The following AP1G1 variants were observed in gnomAD, a reference collection of about 807,000 sequenced individuals.
AP1G1 encodes adaptor related protein complex 1 subunit gamma 1.
Under a neutral mutation model 108.3 loss-of-function variants are expected in AP1G1, and 7 were observed. The ratio of observed to expected loss-of-function variants is 0.06; its 90% CI spans 0.04 to 0.12. AP1G1 has a LOEUF of 0.12. Ranked by LOEUF, AP1G1 falls within the 10% of genes least tolerant of loss-of-function variation. The pLI, the probability that AP1G1 is intolerant of heterozygous loss-of-function variation, is 1.00. For missense variants in AP1G1, 756 were observed against 1,010.7 expected (o/e 0.75, Z 3.42); for synonymous variants, 379 against 353.5 (o/e 1.07, Z -0.81).
At chr16:71,755,880 A>G in intron 12 of AP1G1, 139 bp downstream of exon 12, 3 of 868,392 alleles carry the variant, frequency 3.5e-6, no homozygotes, top group South Asian at 3.9e-5. Context: ...TCCTGACTTC[A>G]TGATCCACCT....
At chr16:71,799,109 C>T (rs1736297545) in intron 1 of AP1G1, among the ~76,000 whole-genome samples, 1 of 152,000 alleles carries the variant, frequency 6.6e-6, no homozygotes, top group East Asian at 1.9e-4. Flanking sequence ...TTAAGACAAA[C>T]TGCATGACCC....
At chr16:71,783,991 C>T (rs745897354) in intron 2 of AP1G1, among the ~76,000 whole-genome samples, 10 of 152,084 alleles carry the variant, frequency 6.6e-5, no homozygotes, top group African/African-American at 2.4e-4. Flanking sequence ...CCTACACACG[C>T]AAAAGGTTAC....
rs748724071 is a variant in AP1G1 at position 71,739,330 on chromosome 16, C to A, written c.2011G>T (p.Ala671Ser). The A allele has an allele frequency of 1.2e-6, 2 of 1,600,054 alleles. No homozygotes were observed. The highest frequency in any genetic ancestry group is 1.7e-6 in the Non-Finnish European group (2 of 1,176,562). Residue 671 changes from alanine (A) to serine (S), a missense_variant, in exon 20 of 23, where the codon GCT (alanine) becomes TCT (serine). Ala to Ser is a moderately conservative substitution (Grantham distance 99). This residue lies in a region of AP1G1 where 357 missense variants were observed against 366.5 expected (regional missense o/e 0.97). Transcript: ENST00000299980. The part of the protein sequence containing the change: ...GDINLTGAPA[A>S]APAPASVPQI... ...GGGACTGAGGCAGGGGCAGGAGCAG[C>A]AGCTGGAGCACCTAAAGGAAATATT... is the stretch of plus-strand genomic sequence containing the variant.
rs2045468697 is a variant in AP1G1, at chr16:71,730,797, G to T, written c.*2261C>A. 1 of 152,550 alleles carries T rather than the reference G, an allele frequency of 6.6e-6. No individual in the cohort carries two copies. Among genetic ancestry groups the T allele is most frequent in the South Asian group, 2.1e-4 (1 of 4,826 alleles). The allele number at this position is 152,550 out of a possible 1,614,324, so 9.4% of individuals were successfully genotyped here. The stretch of plus-strand genomic sequence containing the variant: ...AGGCCATGATATTTTACTCCTTCTA[G>T]ACAAAGCTATGAATGATCATAAACT... On this transcript the variant is annotated 3_prime_UTR_variant, in exon 23 of 23. Coordinates refer to ENST00000299980, the MANE Select transcript of AP1G1 (RefSeq NM_001128.6).
intron 21 of AP1G1, among the ~76,000 whole-genome samples, chr16:71,736,390 T>C (rs2045541429): frequency 3.4e-5 from 5 of 148,350 alleles, no homozygotes; most frequent in Non-Finnish European, 6.0e-5. Flanking sequence ...ATGACTTTTT[T>C]TTTTTTTTTA....
In AP1G1 at chr16:71,764,724, T is replaced by A; in HGVS notation, c.741A>T (p.Val247=). The A allele has an allele frequency of 6.2e-7, 1 of 1,606,326 alleles. No individual in the cohort carries two copies. Among genetic ancestry groups the A allele is most frequent in the Non-Finnish European group, 8.5e-7 (1 of 1,176,874 alleles). The part of the protein sequence containing the change: ...VSGISDPFLQ[V]RILRLLRILG... ...AAATTCTTAATAACCGCAAAATTCG[T>A]ACCTAACGTGCAAAAGATGAGAGGT... Residue 247 remains valine, a splice_region_variant and synonymous_variant, in exon 8 of 23, where the codon GTA becomes GTT. Coordinates refer to ENST00000299980, the MANE Select transcript of AP1G1 (RefSeq NM_001128.6).
chr16:71,788,145 T>C (rs2032275496), intron 2 of AP1G1, among the ~76,000 whole-genome samples: 1 of 152,134 alleles, frequency 6.6e-6, no homozygotes, highest in East Asian at 1.9e-4. Context: ...TACTTTTTTG[T>C]TTTAACTTGG....
chr16:71,745,030 T>C (rs1319272611), intron 19 of AP1G1, 114 bp downstream of exon 19: 3 of 1,151,176 alleles, frequency 2.6e-6, no homozygotes, highest in African/African-American at 3.1e-5. Flanking sequence ...TTGCTTCTGA[T>C]TTAGCCTCTC....
intron 6 of AP1G1, chr16:71,766,379 T>C (rs988387145): frequency 6.5e-6 from 3 of 464,854 alleles, no homozygotes; most frequent in Non-Finnish European, 8.9e-6. Flanking sequence ...TTAAGAGTCC[T>C]AACACATAGT....
intron 1 of AP1G1, among the ~76,000 whole-genome samples, chr16:71,792,219 C>A (rs1297427634): frequency 1.3e-5 from 2 of 152,146 alleles, no homozygotes; most frequent in Admixed American, 6.5e-5. Context: ...GATGTCTACA[C>A]AGGAGTTTCA....
At chr16:71,778,496 A>T (rs1313159818) in intron 2 of AP1G1, among the ~76,000 whole-genome samples, 1 of 152,112 alleles carries the variant, frequency 6.6e-6, no homozygotes, top group Non-Finnish European at 1.5e-5. Flanking sequence ...CAGCCTGCGC[A>T]ACACGGTGAA....
rs1225403970 is a variant in AP1G1 at position 71,751,682 on chromosome 16, TATA to T, written c.1285-1353_1285-1351del. Among the ~76,000 whole-genome samples the T allele has an allele frequency of 5.9e-5, 9 of 152,336 alleles. No individual in the cohort carries two copies. The East Asian group carries it at 1.7e-3, about 29-fold the overall frequency. ...GCATCAGGGTGATCTAATGGGTTTG[TATA>T]ATAAGACTACTTCATTCAACAGCAG... On this transcript the variant is annotated intron_variant, in intron 13 of 22. Coordinates refer to ENST00000299980, the MANE Select transcript of AP1G1 (RefSeq NM_001128.6).
At chr16:71,740,366 TC>T (rs932786840) in intron 19 of AP1G1, among the ~76,000 whole-genome samples, 2 of 152,126 alleles carry the variant, frequency 1.3e-5, no homozygotes, top group African/African-American at 4.8e-5. Flanking sequence ...GGCAAAATCT[TC>T]CCCAGTTGAG....
intron 15 of AP1G1, 105 bp from the exon 16 acceptor site, chr16:71,748,483 G>C: frequency 7.7e-7 from 1 of 1,295,992 alleles, no homozygotes; most frequent in East Asian, 2.5e-5. Flanking sequence ...CAATCCTACC[G>C]TTACAAAAGC....
At chr16:71,746,480 C>G in intron 17 of AP1G1, 108 bp downstream of exon 17, 1 of 632,146 alleles carries the variant, frequency 1.6e-6, no homozygotes, top group South Asian at 3.0e-5. Flanking sequence ...AATAGGGATA[C>G]GAGGAACAAT....
In AP1G1 at chr16:71,750,068, A is replaced by G; in HGVS notation, c.1408-85T>C. On this transcript the variant is annotated intron_variant, in intron 14 of 22. Transcript: ENST00000299980. Reference sequence around the variant, plus strand: ...CAAATCATAGGTCATCTCATAATAAAGATCAAAACTGTGCATATCTAGAGT... The same window carrying G: ...CAAATCATAGGTCATCTCATAATAAGGATCAAAACTGTGCATATCTAGAGT... The G allele has an allele frequency of 2.0e-6, 3 of 1,480,546 alleles. No homozygotes were observed. The Admixed American group carries it at 5.0e-5, about 25-fold the overall frequency. 91.7% of individuals were successfully genotyped at this position (1,480,546 alleles called of 1,614,324 possible). A position where few individuals can be genotyped will look rare whatever the true frequency, so the allele number is the denominator to read the frequency against.
chr16:71,735,982 T>G (rs1276354471), intron 21 of AP1G1, among the ~76,000 whole-genome samples: 1 of 149,684 alleles, frequency 6.7e-6, no homozygotes, highest in Non-Finnish European at 1.5e-5. Context: ...AATACAAAAA[T>G]TAGCTGGGTA....
At chr16:71,772,621 C>A (rs2031620134) in intron 4 of AP1G1, among the ~76,000 whole-genome samples, 1 of 152,080 alleles carries the variant, frequency 6.6e-6, no homozygotes, top group Non-Finnish European at 1.5e-5. Flanking sequence ...TGCCTCTTTC[C>A]CAAACCATTA....
intron 2 of AP1G1, among the ~76,000 whole-genome samples, chr16:71,788,176 C>G (rs750958267): frequency 6.6e-6 from 1 of 152,198 alleles, no homozygotes; most frequent in Non-Finnish European, 1.5e-5. Context: ...TCTCCTTCCA[C>G]TGAAATTACT....
Sources: gnomAD v4.1 joint callset for allele counts (sites outside exome capture counted in the v4.1 genomes callset) on GRCh38, gnomAD v4.1.1 for gene constraint, gnomAD v4.1.1 regional missense constraint, MANE v1.5 for transcripts, NCBI Gene and HGNC (gene_info 2026-07-23, HGNC 2026-07-21) for gene names.